The following CGNL1 variants were observed in gnomAD, a reference collection of about 807,000 sequenced individuals.
CGNL1 encodes the protein cingulin-like protein 1.
Under a neutral mutation model 141.2 loss-of-function variants are expected in CGNL1, and 132 were observed. That is an observed-to-expected ratio of 0.93 (90% confidence interval 0.81 to 1.08). The LOEUF (loss-of-function observed/expected upper bound fraction) is 1.08, where lower values mean the gene tolerates loss of function less well. CGNL1 is among the 50% of genes least tolerant of loss of function. The probability of loss-of-function intolerance (pLI) is 0.00; values close to 1 mark genes in which losing one functional copy is unlikely to be tolerated. For synonymous variants in CGNL1, 690 were observed against 622.1 expected (o/e 1.11, Z -1.63); for missense variants, 1,870 against 1,588.6 (o/e 1.18, Z -3.01).
At chr15:57,457,282 G>A (rs2063391393) in intron 7 of CGNL1, among the ~76,000 whole-genome samples, 1 of 152,152 alleles carries the variant, frequency 6.6e-6, no homozygotes, top group South Asian at 2.1e-4. Context: ...CAAATACATT[G>A]CCGTTCTCGA....
At chr15:57,418,942 T>TA (rs61287056) in intron 1 of CGNL1, among the ~76,000 whole-genome samples, 2 of 151,684 alleles carry the variant, frequency 1.3e-5, no homozygotes, top group Non-Finnish European at 2.9e-5. Flanking sequence ...CCTTTTTTTT[T>TA]TTTGAGACAG....
chr15:57,403,517 C>T (rs1043505476), intron 1 of CGNL1, among the ~76,000 whole-genome samples: 1 of 152,132 alleles, frequency 6.6e-6, no homozygotes, highest in Non-Finnish European at 1.5e-5. Context: ...CAGGATTCAT[C>T]GACTACAGGG....
At chr15:57,487,336 C>T (rs532651891) in intron 8 of CGNL1, among the ~76,000 whole-genome samples, 1 of 150,736 alleles carries the variant, frequency 6.6e-6, no homozygotes, top group East Asian at 2.0e-4. Context: ...TGACTTCAGC[C>T]AACATTACTT....
intron 8 of CGNL1, among the ~76,000 whole-genome samples, chr15:57,481,192 C>G (rs952135839): frequency 3.3e-5 from 5 of 150,928 alleles, no homozygotes; most frequent in African/African-American, 1.2e-4. Flanking sequence ...ATGCCATATA[C>G]CCTTTATCCT....
At position 57,439,205 on chromosome 15, in the gene CGNL1, G is replaced by A; in HGVS notation, c.1206G>A (p.Glu402=). ...CTTTTGGCCTCCAAGGGAACTCGGA[G>A]TACCTGATTGAATTCAGTAGGAACT... The part of the protein sequence containing the change: ...AFPFGLQGNS[E]YLIEFSRNLG... Residue 402 remains glutamate, a synonymous_variant, in exon 2 of 19, where the codon GAG becomes GAA. Coordinates refer to ENST00000281282, the MANE Select transcript of CGNL1 (RefSeq NM_032866.5). 4.3e-6 allele frequency: 7 copies of A among 1,614,172 alleles called. No homozygotes were observed. The highest frequency in any genetic ancestry group is 5.9e-6 in the Non-Finnish European group (7 of 1,180,030).
chr15:57,469,080 A>G (rs1352440497), intron 8 of CGNL1, among the ~76,000 whole-genome samples: 1 of 152,078 alleles, frequency 6.6e-6, no homozygotes, highest in Non-Finnish European at 1.5e-5. Flanking sequence ...ACAGAGACCT[A>G]ATGTGGGGAC....
chr15:57,391,840 C>T (rs1161115435), intron 1 of CGNL1, among the ~76,000 whole-genome samples: 20 of 152,060 alleles, frequency 1.3e-4, no homozygotes, highest in Non-Finnish European at 1.0e-4. Flanking sequence ...CCATCGTATC[C>T]TTATTCCATA....
At chr15:57,417,529 C>T (rs1216605198) in intron 1 of CGNL1, among the ~76,000 whole-genome samples, 1 of 152,090 alleles carries the variant, frequency 6.6e-6, no homozygotes, top group Non-Finnish European at 1.5e-5. Flanking sequence ...CCACTGCACC[C>T]AGCCTATTGT....
At chr15:57,467,041 A>G (rs1281992995) in intron 8 of CGNL1, among the ~76,000 whole-genome samples, 1 of 152,202 alleles carries the variant, frequency 6.6e-6, no homozygotes, top group Admixed American at 6.5e-5. Context: ...TACTCTTGCC[A>G]TCCTTCATTT....
intron 8 of CGNL1, among the ~76,000 whole-genome samples, chr15:57,472,348 G>C (rs1595740376): frequency 6.6e-6 from 1 of 152,250 alleles, no homozygotes; most frequent in East Asian, 1.9e-4. Context: ...TGGTATGAGA[G>C]GAAGTAGAAG....
chr15:57,382,945 G>C (rs1449984312), intron 1 of CGNL1, among the ~76,000 whole-genome samples: 1 of 152,220 alleles, frequency 6.6e-6, no homozygotes, highest in Non-Finnish European at 1.5e-5. Context: ...AGAGGTTCTA[G>C]TATATCTTAT....
At chr15:57,544,662 T>G in intron 16 of CGNL1, 65 bp downstream of exon 16, 1 of 1,535,996 alleles carries the variant, frequency 6.5e-7, no homozygotes, top group Non-Finnish European at 8.8e-7. Flanking sequence ...CATCGCAATG[T>G]GTTGTCACAT....
At chr15:57,497,873 T>A (rs1186606545) in intron 8 of CGNL1, among the ~76,000 whole-genome samples, 1 of 152,232 alleles carries the variant, frequency 6.6e-6, no homozygotes, top group Non-Finnish European at 1.5e-5. Context: ...TTTCTCACAT[T>A]AGTGGGCACT....
intron 8 of CGNL1, among the ~76,000 whole-genome samples, chr15:57,474,867 A>G (rs769753067): frequency 1.3e-5 from 2 of 152,220 alleles, no homozygotes; most frequent in African/African-American, 4.8e-5. Flanking sequence ...AATTTATTCC[A>G]TGTACAGTGA....
intron 1 of CGNL1, among the ~76,000 whole-genome samples, chr15:57,424,606 T>C (rs1400403883): frequency 6.6e-6 from 1 of 152,224 alleles, no homozygotes; most frequent in Non-Finnish European, 1.5e-5. Flanking sequence ...TCTGTGTTTT[T>C]AATGGTTTGG....
chr15:57,495,148 A>T (rs187123441), intron 8 of CGNL1, among the ~76,000 whole-genome samples: 69 of 152,314 alleles, frequency 4.5e-4, no homozygotes, highest in African/African-American at 1.6e-3. Context: ...TGCTTCCTGT[A>T]GCTTTTACAG....
At chr15:57,410,724 AC>A (rs2062777099) in intron 1 of CGNL1, among the ~76,000 whole-genome samples, 1 of 152,152 alleles carries the variant, frequency 6.6e-6, no homozygotes, top group African/African-American at 2.4e-5. Context: ...AAAATGCTAA[AC>A]TTTTGCCTCT....
chr15:57,458,374 G>A (rs1475289393), intron 7 of CGNL1, among the ~76,000 whole-genome samples: 2 of 152,168 alleles, frequency 1.3e-5, no homozygotes, highest in East Asian at 1.9e-4. Context: ...CTCTACTCTG[G>A]AAAACTTCAA....
At position 57,544,418 on chromosome 15, in the gene CGNL1, C is replaced by G. The variant is rs1187981799; in HGVS notation, c.3376-55C>G. The G allele has an allele frequency of 2.5e-6, 4 of 1,609,176 alleles. No homozygotes were observed. The Admixed American group carries it at 6.7e-5, about 27-fold the overall frequency. ...GTTCTGCCCCATATTCTTCGCTGCT[C>G]TGCACAGAGCGTGGCAGACACATAG... On this transcript the variant is annotated intron_variant, in intron 15 of 18. Coordinates refer to ENST00000281282, the MANE Select transcript of CGNL1 (RefSeq NM_032866.5).
Sources: gnomAD v4.1 joint callset for allele counts (sites outside exome capture counted in the v4.1 genomes callset) on GRCh38, gnomAD v4.1.1 for gene constraint, MANE v1.5 for transcripts, NCBI Gene and HGNC (gene_info 2026-07-23, HGNC 2026-07-21) for gene names.